The following KBTBD3 variants were observed in gnomAD, a reference collection of about 807,000 sequenced individuals.
The protein encoded by KBTBD3 is kelch repeat and BTB domain-containing protein 3.
A neutral mutation model predicts 49.6 loss-of-function variants in KBTBD3; 38 were observed. That is an observed-to-expected ratio of 0.77 (90% confidence interval 0.59 to 1.00). The LOEUF (loss-of-function observed/expected upper bound fraction) is 1.00. KBTBD3 is among the 50% of genes least tolerant of loss of function. The pLI is 0.00. For missense variants in KBTBD3, 661 were observed against 712.0 expected (o/e 0.93, Z 0.81); for synonymous variants, 214 against 250.4 (o/e 0.85, Z 1.37).
In KBTBD3 at chr11:106,058,251, G is replaced by A. The variant is rs906112085; in HGVS notation, c.233+614C>T. 8.2e-4 allele frequency among the ~76,000 whole-genome samples: 125 copies of A among 151,960 alleles called. 1 individual carries two copies. The highest frequency in any genetic ancestry group is 2.9e-3 in the African/African-American group (120 of 41,504). On this transcript the variant is annotated intron_variant, in intron 3 of 3. Transcript: ENST00000531837. ...TACAAAAAATTAGCCGGGTGTGGTG[G>A]CGGGCACTAGTCCCAGCTACTTGGG...
chr11:106,059,856 AG>A (rs1456342271), intron 2 of KBTBD3, among the ~76,000 whole-genome samples: 1 of 152,248 alleles, frequency 6.6e-6, no homozygotes, highest in East Asian at 1.9e-4. Context: ...AGAAAGGAAA[AG>A]AGGATTGGGA....
chr11:106,062,615 C>T (rs1860724313), intron 2 of KBTBD3, among the ~76,000 whole-genome samples: 1 of 152,228 alleles, frequency 6.6e-6, no homozygotes, highest in Non-Finnish European at 1.5e-5. Context: ...GTCTTTTATT[C>T]TATTCAATTC....
chr11:106,074,248 C>T (rs1210029010), intron 2 of KBTBD3, among the ~76,000 whole-genome samples: 1 of 152,064 alleles, frequency 6.6e-6, no homozygotes, highest in East Asian at 1.9e-4. Context: ...TGTCCTTTGA[C>T]CTTTTATTCC....
In KBTBD3 at chr11:106,058,766, T is replaced by G. The variant is rs1273130283; in HGVS notation, c.233+99A>C. Reference sequence around the variant, plus strand: ...TGTTTTTTTTTTTAGAATTAAAAATTACTGTTGCATGTTCTTGTGGGGAAA... The same window carrying G: ...TGTTTTTTTTTTTAGAATTAAAAATGACTGTTGCATGTTCTTGTGGGGAAA... On this transcript the variant is annotated intron_variant, in intron 3 of 3. Transcript: ENST00000531837. 4 of 714,076 alleles carry G rather than the reference T, an allele frequency of 5.6e-6. No homozygotes were observed. In the African/African-American group the frequency reaches 7.7e-5, roughly 14 times the overall value. The allele number at this position is 714,076 out of a possible 1,614,324, so 44.2% of individuals were successfully genotyped here.
At chr11:106,071,275 A>G (rs1298838737) in intron 2 of KBTBD3, among the ~76,000 whole-genome samples, 1 of 152,284 alleles carries the variant, frequency 6.6e-6, no homozygotes, top group East Asian at 1.9e-4. Flanking sequence ...TACTTCCAAA[A>G]GAATAAAAAC....
Position 106,058,898 on chromosome 11 carries a change from C to A in KBTBD3, c.200G>T (p.Arg67Leu). The change falls in exon 3 of 4, where the codon CGT (arginine) becomes CTT (leucine). Residue 67 changes from arginine to leucine, a missense_variant. By Grantham distance (102) the Arg-to-Leu change is moderately radical. Transcript: ENST00000531837. ...IMKDEIIPCHRCVLAACSDFF... is the reference protein window; with the variant it reads ...IMKDEIIPCHLCVLAACSDFF... ...GTCACTGCATGCTGCTAACACACAA[C>A]GATGACACGGGATTATTTCATCTTT... 2.5e-6 allele frequency: 4 copies of A among 1,574,234 alleles called. No individual in the cohort carries two copies. The highest frequency in any genetic ancestry group is 3.4e-6 in the Non-Finnish European group (4 of 1,167,062).
At chr11:106,070,009 A>G (rs1261327108) in intron 2 of KBTBD3, among the ~76,000 whole-genome samples, 1 of 152,120 alleles carries the variant, frequency 6.6e-6, no homozygotes, top group African/African-American at 2.4e-5. Context: ...CAATGGAAGA[A>G]AAAGAATCTT....
Position 106,052,636 on chromosome 11 carries a change from G to T in KBTBD3, c.*214C>A. On this transcript the variant is annotated 3_prime_UTR_variant, in exon 4 of 4. Coordinates refer to ENST00000531837, the MANE Select transcript of KBTBD3 (RefSeq NM_198439.3). ...TCATGTGAAAATACTAAGTATTCTG[G>T]ATTCCCCAAGGTTAAATTATATTCA... 1 of 462,154 alleles carries T rather than the reference G, an allele frequency of 2.2e-6. No individual in the cohort carries two copies. The highest frequency in any genetic ancestry group is 3.8e-6 in the Non-Finnish European group (1 of 263,178). 28.6% of individuals were successfully genotyped at this position (462,154 alleles called of 1,614,324 possible).
intron 2 of KBTBD3, among the ~76,000 whole-genome samples, chr11:106,060,371 G>T (rs993737704): frequency 4.0e-5 from 6 of 151,848 alleles, no homozygotes; most frequent in Non-Finnish European, 8.8e-5. Context: ...CTTGAGAAGG[G>T]TTACATTGTT....
At chr11:106,063,823 C>A (rs997085817) in intron 2 of KBTBD3, among the ~76,000 whole-genome samples, 1 of 151,998 alleles carries the variant, frequency 6.6e-6, no homozygotes, top group Non-Finnish European at 1.5e-5. Flanking sequence ...CCCAGCTACT[C>A]GGGAGGCTAA....
At chr11:106,058,502 C>T (rs1383341144) in intron 3 of KBTBD3, among the ~76,000 whole-genome samples, 2 of 151,916 alleles carry the variant, frequency 1.3e-5, no homozygotes, top group Non-Finnish European at 2.9e-5. Flanking sequence ...TCAGCTCACC[C>T]AACCTCAGCC....
chr11:106,057,918 C>G (rs1187414525), intron 3 of KBTBD3: 1 of 394,332 alleles, frequency 2.5e-6, no homozygotes, highest in Non-Finnish European at 4.5e-6. Context: ...AACCTGTCGT[C>G]TTCTTTTTCT....
At chr11:106,073,131 T>C (rs1458066015) in intron 2 of KBTBD3, among the ~76,000 whole-genome samples, 1 of 152,118 alleles carries the variant, frequency 6.6e-6, no homozygotes, top group East Asian at 1.9e-4. Flanking sequence ...TCTTGCTGTG[T>C]CACCCAGGAT....
At chr11:106,057,737 G>T (rs911601788) in intron 3 of KBTBD3, 7 of 257,878 alleles carry the variant, frequency 2.7e-5, no homozygotes, top group Non-Finnish European at 5.1e-5. Context: ...ATGCCTTATA[G>T]CTAAGAAGTA....
At chr11:106,074,484 T>G (rs560868861) in intron 2 of KBTBD3, among the ~76,000 whole-genome samples, 75 of 152,338 alleles carry the variant, frequency 4.9e-4, no homozygotes, top group African/African-American at 1.7e-3. Flanking sequence ...TAATTCACAC[T>G]GTTAACTAGT....
chr11:106,060,682 A>T (rs1860670909), intron 2 of KBTBD3, among the ~76,000 whole-genome samples: 1 of 152,230 alleles, frequency 6.6e-6, no homozygotes, highest in Admixed American at 6.5e-5. Flanking sequence ...CCCAAACCAT[A>T]AGAGACCTGG....
intron 3 of KBTBD3, 34 bp downstream of exon 3, chr11:106,058,831 T>C: frequency 1.6e-6 from 2 of 1,233,054 alleles, no homozygotes; most frequent in Non-Finnish European, 2.3e-6. Context: ...ATTATCCAAA[T>C]CATAAAATCT....
intron 2 of KBTBD3, among the ~76,000 whole-genome samples, chr11:106,068,325 A>G (rs1381829413): frequency 6.6e-6 from 1 of 152,212 alleles, no homozygotes; most frequent in Non-Finnish European, 1.5e-5. Context: ...CAAACTAAAA[A>G]TCAATAACAA....
At chr11:106,057,981 T>A (rs1274976332) in intron 3 of KBTBD3, 3 of 398,120 alleles carry the variant, frequency 7.5e-6, no homozygotes, top group African/African-American at 6.2e-5. Flanking sequence ...ATCAAAAAAA[T>A]TTCTTCTGTC....
Sources: allele counts gnomAD v4.1 joint callset (sites outside exome capture counted in the v4.1 genomes callset), GRCh38; gene constraint gnomAD v4.1.1; transcripts MANE v1.5; gene names NCBI Gene and HGNC (gene_info 2026-07-23, HGNC 2026-07-21).